The following DST variants were observed in gnomAD, a reference collection of about 807,000 sequenced individuals.
DST encodes dystonin.
A neutral mutation model predicts 875.2 loss-of-function variants in DST; 253 were observed. The observed-to-expected ratio is 0.29, with a 90% CI of 0.26 to 0.32. The LOEUF (loss-of-function observed/expected upper bound fraction) is 0.32, where lower values mean the gene tolerates loss of function less well. Ranked by LOEUF, DST falls within the 10% of genes least tolerant of loss-of-function variation. The pLI is 1.00. For synonymous variants in DST, 3,124 were observed against 3,197.1 expected, an observed-to-expected ratio of 0.98 and a Z score of 0.77; for missense variants, 8,287 against 9,111.6, an observed-to-expected ratio of 0.91 and a Z score of 3.68.
chr6:56,758,729 A>C (rs1045722948), intron 4 of DST, among the ~76,000 whole-genome samples: 1 of 152,212 alleles, frequency 6.6e-6, no homozygotes, highest in Non-Finnish European at 1.5e-5. Context: ...TGTCATCTAC[A>C]TGTGGCCTGA....
Position 56,616,599 on chromosome 6 carries a change from T to A in DST, c.4930-2115A>T, listed in dbSNP as rs112473525. On this transcript the variant is annotated intron_variant, in intron 36 of 103. Coordinates refer to ENST00000680361, the MANE Select transcript of DST (RefSeq NM_001374736.1). ...TTGTTATTGGGATTAGGGAAAACTC[T>A]TGTGTTGCTGGATGGCTCATGTAAA... 19 of 1,614,156 alleles carry A rather than the reference T, an allele frequency of 1.2e-5. No individual in the cohort carries two copies. The South Asian group carries it at 2.1e-4, about 18-fold the overall frequency.
chr6:56,616,851 T>C (rs1409017795), intron 36 of DST: 2 of 1,614,164 alleles, frequency 1.2e-6, no homozygotes, highest in South Asian at 1.1e-5. Flanking sequence ...AGAAGCCTAA[T>C]TCTGAATTCG....
At chr6:56,868,753 G>C (rs571956480) in intron 3 of DST, among the ~76,000 whole-genome samples, 2 of 152,184 alleles carry the variant, frequency 1.3e-5, no homozygotes, top group African/African-American at 4.8e-5. Flanking sequence ...CTCTATTGGA[G>C]TTTTAGGTTC....
chr6:56,901,148 A>G (rs1335082623), intron 2 of DST, among the ~76,000 whole-genome samples: 1 of 152,182 alleles, frequency 6.6e-6, no homozygotes, highest in Non-Finnish European at 1.5e-5. Context: ...CACAAAGGGT[A>G]TGGGTTTGGG....
At chr6:56,939,791 G>A (rs1482637226) in intron 2 of DST, among the ~76,000 whole-genome samples, 12 of 152,052 alleles carry the variant, frequency 7.9e-5, no homozygotes, top group African/African-American at 2.4e-4. Context: ...TTGGGAGGCC[G>A]AGGCGGCTGG....
chr6:56,836,866 AAG>A (rs1554191644), intron 4 of DST, among the ~76,000 whole-genome samples: 13 of 147,132 alleles, frequency 8.8e-5, no homozygotes, highest in Non-Finnish European at 1.8e-4. Context: ...AAAAAAAAGA[AAG>A]AAAAAAAGAA....
chr6:56,658,033 T>C (rs955907769), intron 10 of DST, among the ~76,000 whole-genome samples: 10 of 151,986 alleles, frequency 6.6e-5, no homozygotes, highest in African/African-American at 2.4e-4. Context: ...CCCCAACTGC[T>C]GGTATTATAG....
Position 56,483,074 on chromosome 6 carries a change from T to C in DST, c.21208-197A>G, listed in dbSNP as rs182492278. Among the ~76,000 whole-genome samples, 10 of 152,296 alleles carry C rather than the reference T, an allele frequency of 6.6e-5. No individual in the cohort carries two copies. The East Asian group carries it at 1.7e-3, about 26-fold the overall frequency. ...ATTTGAGCACCATCAAGAAGAGTCT[T>C]GTATAAATTTGTTCAGTCCTGTCAC... On this transcript the variant is annotated intron_variant, in intron 88 of 103. Transcript: ENST00000680361.
At chr6:56,580,585 T>A (rs2097956846) in intron 49 of DST, among the ~76,000 whole-genome samples, 1 of 139,116 alleles carries the variant, frequency 7.2e-6, no homozygotes, top group South Asian at 2.3e-4. Context: ...TAAATAAAAA[T>A]TTAAAAAAAT....
intron 2 of DST, among the ~76,000 whole-genome samples, chr6:56,917,547 G>C (rs1801825080): frequency 6.6e-6 from 1 of 152,220 alleles, no homozygotes; most frequent in African/African-American, 2.4e-5. Context: ...ACTGAATCCA[G>C]ATCAGTAGCT....
intron 5 of DST, among the ~76,000 whole-genome samples, chr6:56,707,565 T>C (rs952832352): frequency 2.6e-5 from 4 of 152,174 alleles, no homozygotes; most frequent in African/African-American, 9.7e-5. Flanking sequence ...ATTGTAATAG[T>C]GCTGAGAATT....
intron 60 of DST, among the ~76,000 whole-genome samples, chr6:56,554,063 G>A (rs1050873284): frequency 8.3e-5 from 12 of 144,076 alleles, no homozygotes; most frequent in African/African-American, 1.3e-4. Flanking sequence ...TGACTTTTTC[G>A]CGTCTATGAC....
chr6:56,627,105 T>G, intron 34 of DST, 99 bp downstream of exon 34: 2 of 948,558 alleles, frequency 2.1e-6, no homozygotes, highest in Non-Finnish European at 3.4e-6. Flanking sequence ...ATGAAGATTC[T>G]TTTAAACACT....
At chr6:56,835,872 G>A (rs1008022592) in intron 4 of DST, among the ~76,000 whole-genome samples, 1 of 152,124 alleles carries the variant, frequency 6.6e-6, no homozygotes, top group African/African-American at 2.4e-5. Context: ...CTTTGTCAAC[G>A]CTCTTTGACA....
At position 56,630,226 on chromosome 6, in the gene DST, C is replaced by A. The variant is rs754229852; in HGVS notation, c.4281+19G>T. 2.6e-6 allele frequency: 4 copies of A among 1,529,960 alleles called. No homozygotes were observed. The highest frequency in any genetic ancestry group is 3.6e-6 in the Non-Finnish European group (4 of 1,107,522). The allele number at this position is 1,529,960 out of a possible 1,614,324, so 94.8% of individuals were successfully genotyped here. A position where few individuals can be genotyped will look rare whatever the true frequency, so the allele number is the denominator to read the frequency against. The stretch of plus-strand genomic sequence containing the variant: ...TGTAGAATACGATATTTAAAAATAT[C>A]CAAAAGTGAGTCTCATACCTTTAAA... On this transcript the variant is annotated intron_variant, in intron 31 of 103. Transcript: ENST00000680361.
In DST at chr6:56,473,865, C is replaced by A; in HGVS notation, c.21994+8G>T. On this transcript the variant is annotated splice_region_variant and intron_variant, in intron 93 of 103. Coordinates refer to ENST00000680361, the MANE Select transcript of DST (RefSeq NM_001374736.1). ...ATTGACATTTTAAAGAAATTGATCACTGCTTACTTCCTGCTCGTCCCTTAT... is the reference window on the plus strand; with the variant it reads ...ATTGACATTTTAAAGAAATTGATCAATGCTTACTTCCTGCTCGTCCCTTAT... The A allele has an allele frequency of 6.3e-7, 1 of 1,594,298 alleles. No individual in the cohort carries two copies. The highest frequency in any genetic ancestry group is 8.6e-7 in the Non-Finnish European group (1 of 1,169,452).
chr6:56,592,429 G>A, intron 48 of DST, 71 bp from the exon 49 acceptor site: 2 of 1,224,744 alleles, frequency 1.6e-6, no homozygotes, highest in Non-Finnish European at 1.1e-6. Context: ...ATAATCTTAG[G>A]ACCTATAAAA....
chr6:56,762,741 G>A (rs2099620314), intron 4 of DST, among the ~76,000 whole-genome samples: 1 of 151,172 alleles, frequency 6.6e-6, no homozygotes, highest in Non-Finnish European at 1.5e-5. Flanking sequence ...TGAAATGTGA[G>A]ATATTTTTGC....
At chr6:56,683,069 T>A (rs1172232728) in intron 9 of DST, among the ~76,000 whole-genome samples, 2 of 152,206 alleles carry the variant, frequency 1.3e-5, no homozygotes, top group African/African-American at 4.8e-5. Context: ...TGCCATTACT[T>A]TTAATGGCAA....
Sources: gnomAD v4.1 joint callset for allele counts (sites outside exome capture counted in the v4.1 genomes callset) on GRCh38, gnomAD v4.1.1 for gene constraint, MANE v1.5 for transcripts, NCBI Gene and HGNC (gene_info 2026-07-23, HGNC 2026-07-21) for gene names.